SIDT1: variants seen among roughly 807,000 people sequenced by gnomAD.
SIDT1 encodes the protein SID1 transmembrane family, member 1.
SIDT1 carries 101 observed loss-of-function variants against 107.5 expected under a neutral mutation model. The observed-to-expected ratio is 0.94, with a 90% CI of 0.80 to 1.11. The LOEUF (loss-of-function observed/expected upper bound fraction) is 1.11, where lower values mean the gene tolerates loss of function less well. Among genes scored for constraint, SIDT1 ranks in the 50% least tolerant of loss-of-function variants. The pLI is 0.00. For missense variants in SIDT1, 1,076 were observed against 1,058.2 expected (o/e 1.02, Z -0.23); for synonymous variants, 395 against 398.2 (o/e 0.99, Z 0.10).
intron 21 of SIDT1, among the ~76,000 whole-genome samples, chr3:113,621,527 C>G (rs939881384): frequency 5.9e-5 from 9 of 151,880 alleles, no homozygotes; most frequent in African/African-American, 2.2e-4. Flanking sequence ...ACTTTAAATA[C>G]TTAGGAATAA....
chr3:113,609,923 C>T (rs1317750266), intron 17 of SIDT1, among the ~76,000 whole-genome samples: 1 of 152,190 alleles, frequency 6.6e-6, no homozygotes, highest in Non-Finnish European at 1.5e-5. Context: ...CCCCTAAAGG[C>T]AATAACCATG....
intron 4 of SIDT1, among the ~76,000 whole-genome samples, chr3:113,577,391 A>C (rs1029139716): frequency 5.3e-5 from 8 of 152,230 alleles, no homozygotes; most frequent in Admixed American, 3.9e-4. Flanking sequence ...ACAGATACAC[A>C]AATAATTAAT....
At chr3:113,607,174 G>A in intron 15 of SIDT1, 60 bp downstream of exon 15, 2 of 1,073,152 alleles carry the variant, frequency 1.9e-6, no homozygotes, top group Admixed American at 2.0e-5. Context: ...GTCTAATGTT[G>A]TGATTTCGGT....
intron 10 of SIDT1, among the ~76,000 whole-genome samples, chr3:113,596,102 T>A (rs565628825): frequency 1.3e-5 from 2 of 152,314 alleles, no homozygotes; most frequent in East Asian, 3.9e-4. Flanking sequence ...GGAAATGCCT[T>A]GGGTGCTTAT....
chr3:113,589,714 A>G (rs1944005794), intron 9 of SIDT1: 1 of 152,210 alleles, frequency 6.6e-6, no homozygotes, highest in Admixed American at 6.6e-5. Flanking sequence ...TTGTATTTTT[A>G]GTAGAGACAG....
chr3:113,608,274 A>T, intron 16 of SIDT1, 57 bp downstream of exon 16: 1 of 1,554,278 alleles, frequency 6.4e-7, no homozygotes, highest in South Asian at 1.2e-5. Context: ...AGGATCTGCA[A>T]AGGGGTGGGA....
chr3:113,623,249 A>T (rs1331906858), intron 21 of SIDT1, among the ~76,000 whole-genome samples, 178 bp from the exon 22 acceptor site: 1 of 149,856 alleles, frequency 6.7e-6, no homozygotes, highest in Non-Finnish European at 1.5e-5. Context: ...GTATTTTTTT[A>T]AAAATCTACT....
intron 1 of SIDT1, among the ~76,000 whole-genome samples, chr3:113,558,310 A>G (rs1941092143): frequency 6.6e-6 from 1 of 152,230 alleles, no homozygotes; most frequent in Admixed American, 6.5e-5. Context: ...TATGTGTCTC[A>G]TACTCAGCTT....
chr3:113,533,617 T>A (rs1281271710), intron 1 of SIDT1, among the ~76,000 whole-genome samples: 1 of 152,194 alleles, frequency 6.6e-6, no homozygotes, highest in Non-Finnish European at 1.5e-5. Context: ...CCTAATCCCC[T>A]GCAGGGAAGA....
At chr3:113,543,314 C>T (rs770991111) in intron 1 of SIDT1, among the ~76,000 whole-genome samples, 1 of 152,122 alleles carries the variant, frequency 6.6e-6, no homozygotes, top group Non-Finnish European at 1.5e-5. Flanking sequence ...AGCATCCTTA[C>T]ACTTACCCAA....
intron 21 of SIDT1, among the ~76,000 whole-genome samples, chr3:113,623,182 C>A (rs1353598430): frequency 1.0e-5 from 1 of 96,338 alleles, no homozygotes; most frequent in Admixed American, 1.6e-4. Flanking sequence ...GGGAATGAGA[C>A]CCCAACTCTT....
At chr3:113,611,776 G>A (rs988577414) in intron 18 of SIDT1, among the ~76,000 whole-genome samples, 2 of 152,174 alleles carry the variant, frequency 1.3e-5, no homozygotes, top group Non-Finnish European at 1.5e-5. Flanking sequence ...TTCTAAATAC[G>A]CATGGGAAAC....
At chr3:113,606,970 C>G in intron 14 of SIDT1, 71 bp from the exon 15 acceptor site, 1 of 962,296 alleles carries the variant, frequency 1.0e-6, no homozygotes, top group East Asian at 2.4e-5. Flanking sequence ...CCTGTCTGCT[C>G]TTTGTGTTCC....
intron 1 of SIDT1, among the ~76,000 whole-genome samples, chr3:113,548,476 T>C (rs1478625488): frequency 6.6e-6 from 1 of 152,096 alleles, no homozygotes; most frequent in East Asian, 1.9e-4. Context: ...GAATGTCACG[T>C]AGTTGTGAAG....
chr3:113,627,970 T>C lies in SIDT1; in HGVS notation c.*262T>C. The C allele has an allele frequency of 2.0e-6, 1 of 498,886 alleles. No individual in the cohort carries two copies. The highest frequency in any genetic ancestry group is 3.4e-5 in the Admixed American group (1 of 29,062). 30.9% of individuals were successfully genotyped at this position (498,886 alleles called of 1,614,324 possible). ...CTCCTTCCATCTGCAGCTTTGGGAG[T>C]GCAACAGGGATAGGCACTGCATCCA... is the stretch of plus-strand genomic sequence containing the variant. On this transcript the variant is annotated 3_prime_UTR_variant, in exon 25 of 25. Transcript: ENST00000264852.
chr3:113,610,565 A>T (rs1945661725), intron 17 of SIDT1, among the ~76,000 whole-genome samples: 1 of 152,184 alleles, frequency 6.6e-6, no homozygotes, highest in Non-Finnish European at 1.5e-5. Flanking sequence ...AATCAATGTG[A>T]TTATATTTTA....
At chr3:113,571,749 T>C (rs1405402886) in intron 3 of SIDT1, among the ~76,000 whole-genome samples, 2 of 152,074 alleles carry the variant, frequency 1.3e-5, no homozygotes, top group African/African-American at 4.8e-5. Context: ...ACCTGGCCAA[T>C]ATGGTGAAAC....
intron 17 of SIDT1, among the ~76,000 whole-genome samples, chr3:113,609,901 C>T (rs1265411855): frequency 6.6e-6 from 1 of 152,136 alleles, no homozygotes; most frequent in Non-Finnish European, 1.5e-5. Flanking sequence ...CAAACTTAAT[C>T]TCCTCCTTCC....
intron 21 of SIDT1, among the ~76,000 whole-genome samples, chr3:113,621,932 G>A (rs1946486975): frequency 6.6e-6 from 1 of 152,124 alleles, no homozygotes; most frequent in Non-Finnish European, 1.5e-5. Flanking sequence ...GTGTGACTGA[G>A]GAAGTAGATT....
Sources: gnomAD v4.1 joint callset for allele counts (sites outside exome capture counted in the v4.1 genomes callset) on GRCh38, gnomAD v4.1.1 for gene constraint, MANE v1.5 for transcripts, NCBI Gene and HGNC (gene_info 2026-07-23, HGNC 2026-07-21) for gene names.